Variants in CCDC85A observed in about 807,000 individuals in gnomAD.
CCDC85A encodes coiled-coil domain-containing protein 85A.
Under a neutral mutation model 50.2 loss-of-function variants are expected in CCDC85A, and 38 were observed. The observed-to-expected ratio is 0.76, with a 90% confidence interval of 0.58 to 0.99. The LOEUF is 0.99. CCDC85A is among the 50% of genes least tolerant of loss of function. The pLI, the probability that CCDC85A is intolerant of heterozygous loss-of-function variation, is 0.00. For missense variants in CCDC85A, 820 were observed against 742.0 expected, an observed-to-expected ratio of 1.11 and a Z score of -1.22; for synonymous variants, 366 against 301.4, an observed-to-expected ratio of 1.21 and a Z score of -2.22.
At chr2:56,223,818 A>G (rs749109911) in intron 2 of CCDC85A, among the ~76,000 whole-genome samples, 13 of 152,174 alleles carry the variant, frequency 8.5e-5, no homozygotes, top group Non-Finnish European at 1.9e-4. Context: ...ATTTGAAAAG[A>G]TATGAGGGAT....
chr2:56,226,028 T>G (rs1292410356), intron 2 of CCDC85A, among the ~76,000 whole-genome samples: 2 of 152,208 alleles, frequency 1.3e-5, no homozygotes, highest in Non-Finnish European at 2.9e-5. Flanking sequence ...GTGCCTCTCT[T>G]AAAATGTGTT....
intron 2 of CCDC85A, among the ~76,000 whole-genome samples, chr2:56,222,345 G>T: frequency 6.6e-6 from 1 of 152,128 alleles, no homozygotes; most frequent in East Asian, 1.9e-4. Flanking sequence ...ATAGCATAAT[G>T]TTTTGATATA....
At position 56,192,671 on chromosome 2, in the gene CCDC85A, A is replaced by G. The variant is rs755628111; in HGVS notation, c.471A>G (p.Glu157=). The G allele has an allele frequency of 2.5e-6, 4 of 1,613,820 alleles. No homozygotes were observed. The highest frequency in any genetic ancestry group is 3.4e-6 in the Non-Finnish European group (4 of 1,179,840). Residue 157 remains glutamate (E), a synonymous_variant, in exon 2 of 6, where the codon GAA becomes GAG. Coordinates refer to ENST00000407595, the MANE Select transcript of CCDC85A (RefSeq NM_001080433.2). The surrounding 1 kb of genome is among the most constrained non-coding windows in gnomAD (Gnocchi z 4.7). ...KLKDLEVKQE[E]VVKENMELKE... is the part of the protein sequence containing the mutation. ...AAGACCTGGAGGTGAAGCAGGAGGA[A>G]GTGGTGAAGGAGAACATGGAGCTCA...
chr2:56,268,755 GTCCTTTAT>G (rs1361316105), intron 2 of CCDC85A, among the ~76,000 whole-genome samples: 2 of 151,802 alleles, frequency 1.3e-5, no homozygotes, highest in African/African-American at 4.8e-5. Context: ...AACCTCTATT[GTCCTTTAT>G]TAAAAAAACA....
chr2:56,262,197 AGCTGATTTTTTC>A (rs1216980578), intron 2 of CCDC85A, among the ~76,000 whole-genome samples: 1 of 152,122 alleles, frequency 6.6e-6, no homozygotes, highest in Admixed American at 6.6e-5. Flanking sequence ...CTAAAGGTTA[AGCTGATTTTTTC>A]TACTTAAGCC....
At chr2:56,206,874 A>G (rs1485885289) in intron 2 of CCDC85A, among the ~76,000 whole-genome samples, 1 of 152,160 alleles carries the variant, frequency 6.6e-6, no homozygotes, top group African/African-American at 2.4e-5. Flanking sequence ...GTTATGCTGA[A>G]TTACTGGAGA....
intron 3 of CCDC85A, among the ~76,000 whole-genome samples, chr2:56,363,090 AT>A (rs1408520719): frequency 3.3e-5 from 5 of 152,216 alleles, no homozygotes; most frequent in Admixed American, 6.5e-5. Flanking sequence ...GAATAAAAAA[AT>A]CTTGTTTTCC....
At chr2:56,233,000 C>T (rs1668840295) in intron 2 of CCDC85A, among the ~76,000 whole-genome samples, 1 of 152,142 alleles carries the variant, frequency 6.6e-6, no homozygotes, top group Non-Finnish European at 1.5e-5. Flanking sequence ...CCCACATTGT[C>T]CCCATTTCTT....
chr2:56,185,874 T>C (rs1034737141), intron 1 of CCDC85A: 2 of 152,288 alleles, frequency 1.3e-5, no homozygotes, highest in Non-Finnish European at 2.9e-5. Flanking sequence ...TTGTTCTGCT[T>C]TGTTTGTAGG....
intron 2 of CCDC85A, among the ~76,000 whole-genome samples, chr2:56,250,954 G>A (rs541879350): frequency 6.6e-6 from 1 of 151,740 alleles, no homozygotes; most frequent in South Asian, 2.1e-4. Context: ...TCTTTCATTC[G>A]AGTCCCTTTC....
chr2:56,342,293 A>G (rs1674412209), intron 2 of CCDC85A, among the ~76,000 whole-genome samples: 1 of 152,166 alleles, frequency 6.6e-6, no homozygotes, highest in South Asian at 2.1e-4. Flanking sequence ...GACTTCAGAA[A>G]AATATTTGTT....
chr2:56,237,822 GAAGAGAAAGA>G (rs1316761080), intron 2 of CCDC85A, among the ~76,000 whole-genome samples: 1 of 151,836 alleles, frequency 6.6e-6, no homozygotes, highest in African/African-American at 2.4e-5. Context: ...TTTTGTCAAT[GAAGAGAAAGA>G]TATTTATGGG....
intron 2 of CCDC85A, among the ~76,000 whole-genome samples, chr2:56,303,950 C>G (rs536372734): frequency 1.3e-5 from 2 of 152,244 alleles, no homozygotes; most frequent in East Asian, 1.9e-4. Context: ...AGTTCGTCAT[C>G]TCAGGTAAAG....
At chr2:56,336,561 C>T (rs1015164447) in intron 2 of CCDC85A, among the ~76,000 whole-genome samples, 1 of 152,196 alleles carries the variant, frequency 6.6e-6, no homozygotes, top group Admixed American at 6.5e-5. Flanking sequence ...TTCATCTAAT[C>T]AAAACCACTC....
chr2:56,199,936 T>C (rs1439393359), intron 2 of CCDC85A, among the ~76,000 whole-genome samples: 1 of 152,202 alleles, frequency 6.6e-6, no homozygotes, highest in Non-Finnish European at 1.5e-5. Context: ...TGGCGCAGTC[T>C]TGGCTCACTG....
intron 2 of CCDC85A, among the ~76,000 whole-genome samples, chr2:56,320,017 G>T (rs574058792): frequency 1.3e-5 from 2 of 151,782 alleles, no homozygotes; most frequent in African/African-American, 4.8e-5. Flanking sequence ...TGGAAACTGG[G>T]CAACCTGCTC....
At chr2:56,359,204 T>C (rs1217536547) in intron 3 of CCDC85A, among the ~76,000 whole-genome samples, 1 of 152,190 alleles carries the variant, frequency 6.6e-6, no homozygotes, top group Non-Finnish European at 1.5e-5. Flanking sequence ...CTCTGAGTTA[T>C]CAGTACTGGG....
chr2:56,242,157 G>C (rs1356512605), intron 2 of CCDC85A, among the ~76,000 whole-genome samples: 1 of 152,082 alleles, frequency 6.6e-6, no homozygotes, highest in African/African-American at 2.4e-5. Flanking sequence ...CAGATCTTTT[G>C]TCAGTTTTTA....
At chr2:56,289,042 C>T (rs562576540) in intron 2 of CCDC85A, among the ~76,000 whole-genome samples, 16 of 152,080 alleles carry the variant, frequency 1.1e-4, no homozygotes, top group Non-Finnish European at 2.2e-4. Flanking sequence ...GAGATAAGGA[C>T]CTGGAGTGCT....
Sources: allele counts gnomAD v4.1 joint callset (sites outside exome capture counted in the v4.1 genomes callset), GRCh38; gene constraint gnomAD v4.1.1; non-coding constraint Gnocchi (gnomAD v3.1); transcripts MANE v1.5; gene names NCBI Gene and HGNC (gene_info 2026-07-23, HGNC 2026-07-21).